CADM2: variants seen among roughly 807,000 people sequenced by gnomAD.
CADM2 encodes the protein immunoglobulin superfamily member 4D.
In CADM2, 12 loss-of-function variants were observed where a neutral mutation model predicts 49.8. The observed-to-expected ratio is 0.24, with a 90% CI of 0.15 to 0.39. The LOEUF is 0.39. Among genes scored for constraint, CADM2 ranks in the 10% least tolerant of loss-of-function variants. The pLI is 1.00. For missense variants in CADM2, 378 were observed against 492.3 expected (o/e 0.77, Z 2.20); for synonymous variants, 214 against 175.4 (o/e 1.22, Z -1.74).
chr3:85,087,246 C>T (rs1399317474), intron 1 of CADM2, among the ~76,000 whole-genome samples: 3 of 152,008 alleles, frequency 2.0e-5, no homozygotes, highest in African/African-American at 4.8e-5. Flanking sequence ...CTACGTAATG[C>T]CAGGCGCCCA....
intron 1 of CADM2, among the ~76,000 whole-genome samples, chr3:85,067,783 T>G (rs1204658475): frequency 6.6e-6 from 1 of 152,204 alleles, no homozygotes; most frequent in Non-Finnish European, 1.5e-5. Flanking sequence ...CCTTTATTTT[T>G]GAAATACTTA....
At chr3:85,596,476 G>A (rs73843685) in intron 1 of CADM2, among the ~76,000 whole-genome samples, 4 of 152,096 alleles carry the variant, frequency 2.6e-5, no homozygotes, top group African/African-American at 2.4e-5. Flanking sequence ...ATATAAAATG[G>A]TGACTGATAT....
chr3:85,413,386 G>A (rs1323500957), intron 1 of CADM2, among the ~76,000 whole-genome samples: 2 of 151,990 alleles, frequency 1.3e-5, no homozygotes, highest in East Asian at 3.9e-4. Context: ...CATTGGTAGA[G>A]GGGCTTCCAT....
chr3:85,075,876 C>T (rs1247378179), intron 1 of CADM2, among the ~76,000 whole-genome samples: 1 of 152,058 alleles, frequency 6.6e-6, no homozygotes, highest in Admixed American at 6.5e-5. Flanking sequence ...TTTTCATATA[C>T]TCCATTAGAT....
chr3:85,034,238 AT>A (rs1331862746), intron 1 of CADM2, among the ~76,000 whole-genome samples: 1 of 152,032 alleles, frequency 6.6e-6, no homozygotes, highest in East Asian at 1.9e-4. Flanking sequence ...ATCTAACTAT[AT>A]TTTTGTGCAT....
intron 1 of CADM2, among the ~76,000 whole-genome samples, chr3:85,063,433 A>C (rs545525841): frequency 6.6e-6 from 1 of 152,130 alleles, no homozygotes; most frequent in East Asian, 1.9e-4. Flanking sequence ...CAGATTTTAG[A>C]AATAGAGCTA....
intron 1 of CADM2, among the ~76,000 whole-genome samples, chr3:85,089,709 C>A (rs535439477): frequency 4.4e-4 from 67 of 152,144 alleles, no homozygotes; most frequent in Admixed American, 9.8e-4. Flanking sequence ...TTTTAGGCTT[C>A]CAGACTTTCT....
chr3:85,354,366 G>C (rs1011473588), intron 1 of CADM2, among the ~76,000 whole-genome samples: 2 of 111,906 alleles, frequency 1.8e-5, no homozygotes, highest in Non-Finnish European at 3.5e-5. Flanking sequence ...GGTGGGGGGA[G>C]GGGGGAGGGA....
intron 8 of CADM2, among the ~76,000 whole-genome samples, chr3:86,064,328 GT>G (rs1448084238): frequency 1.3e-5 from 2 of 152,040 alleles, no homozygotes; most frequent in Non-Finnish European, 2.9e-5. Context: ...CCTTGCGATA[GT>G]TTGCTGAGAA....
chr3:85,994,158 T>C (rs1359281373), intron 8 of CADM2: 1 of 152,222 alleles, frequency 6.6e-6, no homozygotes, highest in East Asian at 1.9e-4. Context: ...CCTTCATTAG[T>C]GATCTTAGGT....
Position 85,969,479 on chromosome 3 carries a change from G to A in CADM2, c.970+7832G>A, listed in dbSNP as rs576964017. Among the ~76,000 whole-genome samples, 35 of 151,412 alleles carry A rather than the reference G, an allele frequency of 2.3e-4. No individual in the cohort carries two copies. The South Asian group carries it at 7.1e-3, about 31-fold the overall frequency. ...CTTATTCAGATCTCAGATTAAAAGG[G>A]ATTTCTCAGTGAGGCCTTTTTTTTC... On this transcript the variant is annotated intron_variant, in intron 8 of 9. Coordinates refer to ENST00000383699, the MANE Select transcript of CADM2 (RefSeq NM_001167675.2).
intron 1 of CADM2, among the ~76,000 whole-genome samples, chr3:85,318,677 TAAAG>T (rs1410820955): frequency 6.6e-6 from 1 of 152,118 alleles, no homozygotes; most frequent in Non-Finnish European, 1.5e-5. Context: ...AAAATTGAAA[TAAAG>T]AAAATACACT....
chr3:85,959,924 T>A (rs2108611613), intron 7 of CADM2, among the ~76,000 whole-genome samples: 1 of 152,020 alleles, frequency 6.6e-6, no homozygotes, highest in African/African-American at 2.4e-5. Context: ...TCCTCATAGT[T>A]AAGTAGCATA....
chr3:85,393,900 A>G (rs2034639881), intron 1 of CADM2, among the ~76,000 whole-genome samples: 2 of 152,100 alleles, frequency 1.3e-5, no homozygotes, highest in South Asian at 4.1e-4. Flanking sequence ...TCCGCCTCCC[A>G]GTTTCACGCC....
At chr3:85,129,549 T>C (rs935844108) in intron 1 of CADM2, among the ~76,000 whole-genome samples, 1 of 152,178 alleles carries the variant, frequency 6.6e-6, no homozygotes, top group Non-Finnish European at 1.5e-5. Flanking sequence ...GGAAATCACT[T>C]ATTTAATCTT....
chr3:85,163,973 T>C (rs913664928), intron 1 of CADM2, among the ~76,000 whole-genome samples: 14 of 152,180 alleles, frequency 9.2e-5, no homozygotes, highest in Admixed American at 3.3e-4. Flanking sequence ...CAATTATTTG[T>C]CTACTTTCTG....
chr3:85,172,207 A>C (rs1205274326), intron 1 of CADM2, among the ~76,000 whole-genome samples: 1 of 152,148 alleles, frequency 6.6e-6, no homozygotes, highest in Non-Finnish European at 1.5e-5. Context: ...GGTGAGCCCC[A>C]GTTTCTATTC....
At chr3:85,232,342 A>C (rs965603787) in intron 1 of CADM2, among the ~76,000 whole-genome samples, 10 of 152,088 alleles carry the variant, frequency 6.6e-5, no homozygotes, top group African/African-American at 2.4e-4. Context: ...AGGACTTTAC[A>C]TGGAAGATTA....
intron 1 of CADM2, among the ~76,000 whole-genome samples, chr3:85,466,957 G>A (rs1377311801): frequency 6.6e-6 from 1 of 152,066 alleles, no homozygotes; most frequent in African/African-American, 2.4e-5. Flanking sequence ...CTGTAGCCAA[G>A]ACTATGAATA....
Sources: gnomAD v4.1 joint callset for allele counts (sites outside exome capture counted in the v4.1 genomes callset) on GRCh38, gnomAD v4.1.1 for gene constraint, MANE v1.5 for transcripts, NCBI Gene and HGNC (gene_info 2026-07-23, HGNC 2026-07-21) for gene names.